FSHR: variants seen among roughly 807,000 people sequenced by gnomAD.
FSHR encodes follicle-stimulating hormone receptor.
In FSHR, 46 loss-of-function variants were observed where a neutral mutation model predicts 52.1. The ratio of observed to expected loss-of-function variants is 0.88; its 90% CI spans 0.70 to 1.13. FSHR has a LOEUF of 1.13. Ranked by LOEUF, FSHR falls within the 50% of genes most tolerant of loss-of-function variation. FSHR has a pLI of 0.00. For missense variants in FSHR, 964 were observed against 834.6 expected (o/e 1.16, Z -1.91); for synonymous variants, 399 against 309.6 (o/e 1.29, Z -3.03).
chr2:49,121,514 A>G lies in FSHR; in HGVS notation c.152+32752T>C, dbSNP rs529044839. Among the ~76,000 whole-genome samples, 79 of 152,282 alleles carry G rather than the reference A, an allele frequency of 5.2e-4. 1 individual carries two copies. The highest frequency in any genetic ancestry group is 1.8e-3 in the African/African-American group (75 of 41,558). On this transcript the variant is annotated intron_variant, in intron 1 of 9. Coordinates refer to ENST00000406846, the MANE Select transcript of FSHR (RefSeq NM_000145.4). Reference sequence around the variant, plus strand: ...CTCTAGAGTTGAAAGCAGTGTGGGAAGTGGGTTAATTGTTTATTAGGTGTC... The same window carrying G: ...CTCTAGAGTTGAAAGCAGTGTGGGAGGTGGGTTAATTGTTTATTAGGTGTC...
In FSHR at chr2:48,963,412, G is replaced by T; in HGVS notation, c.1409C>A (p.Thr470Asn). ...LTAITLERWH[T>N]ITHAMQLDCK... ...GTCCAGCTGCATGGCATGCGTGATG[G>T]TATGCCATCTTTCCAAGGTGATAGC... Residue 470 changes from threonine to asparagine, a missense_variant, in exon 10 of 10, where the codon ACC becomes AAC. Thr to Asn is a moderately conservative substitution (Grantham distance 65, BLOSUM62 0). Coordinates refer to ENST00000406846, the MANE Select transcript of FSHR (RefSeq NM_000145.4). The T allele has an allele frequency of 6.2e-7, 1 of 1,614,154 alleles. No homozygotes were observed. The highest frequency in any genetic ancestry group is 8.5e-7 in the Non-Finnish European group (1 of 1,180,016).
At chr2:49,001,458 G>A (rs1343318930) in intron 4 of FSHR, among the ~76,000 whole-genome samples, 1 of 152,124 alleles carries the variant, frequency 6.6e-6, no homozygotes, top group East Asian at 1.9e-4. Flanking sequence ...GAGATTCGCA[G>A]CTAACAGAGT....
chr2:49,127,093 C>T (rs1018029158), intron 1 of FSHR, among the ~76,000 whole-genome samples: 17 of 152,052 alleles, frequency 1.1e-4, no homozygotes, highest in African/African-American at 3.4e-4. Flanking sequence ...TTTGGGAGAC[C>T]GAGGCTGGTG....
chr2:49,128,556 G>A (rs937781238), intron 1 of FSHR, among the ~76,000 whole-genome samples: 3 of 152,084 alleles, frequency 2.0e-5, no homozygotes, highest in African/African-American at 7.2e-5. Flanking sequence ...AAGAAGAAAA[G>A]CAAGGGATGA....
At chr2:49,061,517 T>TAC (rs2104326433) in intron 2 of FSHR, among the ~76,000 whole-genome samples, 1 of 146,802 alleles carries the variant, frequency 6.8e-6, no homozygotes, top group African/African-American at 2.5e-5. Context: ...TGATTCTAAA[T>TAC]ATATATATAT....
At chr2:49,059,535 G>A (rs966409436) in intron 2 of FSHR, 4 of 152,412 alleles carry the variant, frequency 2.6e-5, no homozygotes, top group African/African-American at 4.8e-5. Flanking sequence ...GAGAAAGGAC[G>A]GTTTCATAAA....
chr2:49,114,957 A>G (rs1333104602), intron 1 of FSHR, among the ~76,000 whole-genome samples: 1 of 151,928 alleles, frequency 6.6e-6, no homozygotes, highest in Non-Finnish European at 1.5e-5. Flanking sequence ...TGCTAAAACC[A>G]AAATGCTAGA....
At chr2:49,153,342 G>T (rs1673129294) in intron 1 of FSHR, among the ~76,000 whole-genome samples, 1 of 152,214 alleles carries the variant, frequency 6.6e-6, no homozygotes, top group East Asian at 1.9e-4. Flanking sequence ...CAACTTGCCA[G>T]TTCTCAGGGG....
chr2:49,001,322 G>A (rs887338419), intron 4 of FSHR, among the ~76,000 whole-genome samples: 2 of 152,100 alleles, frequency 1.3e-5, no homozygotes, highest in African/African-American at 4.8e-5. Context: ...TAGCTTGTCT[G>A]ATAGAAAGTA....
At chr2:49,149,772 C>T (rs953547) in intron 1 of FSHR, among the ~76,000 whole-genome samples, 2 of 151,470 alleles carry the variant, frequency 1.3e-5, no homozygotes, top group East Asian at 3.9e-4. Flanking sequence ...GGAATGTAAG[C>T]CAAAGAAAGA....
At chr2:49,055,781 C>A (rs137969236) in intron 2 of FSHR, among the ~76,000 whole-genome samples, 1 of 151,602 alleles carries the variant, frequency 6.6e-6, no homozygotes, top group Non-Finnish European at 1.5e-5. Flanking sequence ...GAAAAAGCTG[C>A]GAGACAAGAA....
chr2:49,044,277 C>T (rs1281601110), intron 2 of FSHR, among the ~76,000 whole-genome samples: 1 of 152,100 alleles, frequency 6.6e-6, no homozygotes, highest in Non-Finnish European at 1.5e-5. Context: ...CTCACATTTT[C>T]GGTTGGTGAG....
intron 5 of FSHR, among the ~76,000 whole-genome samples, chr2:48,989,311 C>G (rs575222778): frequency 8.2e-6 from 1 of 121,644 alleles, no homozygotes; most frequent in South Asian, 2.8e-4. Flanking sequence ...GACAGGTTCT[C>G]TTGCTCTGTC....
chr2:49,109,168 C>G (rs569317331), intron 1 of FSHR, among the ~76,000 whole-genome samples: 1 of 152,224 alleles, frequency 6.6e-6, no homozygotes, highest in Admixed American at 6.5e-5. Context: ...CAGAAATTCC[C>G]TATCCAGAAA....
intron 2 of FSHR, among the ~76,000 whole-genome samples, chr2:49,028,244 C>A (rs1667977512): frequency 6.6e-6 from 1 of 152,154 alleles, no homozygotes; most frequent in Non-Finnish European, 1.5e-5. Flanking sequence ...TAATAATTAA[C>A]CTTTATTAGA....
intron 4 of FSHR, among the ~76,000 whole-genome samples, chr2:48,997,917 T>A (rs566353294): frequency 1.4e-4 from 21 of 152,212 alleles, no homozygotes; most frequent in Admixed American, 1.2e-3. Context: ...CACAGTGGAC[T>A]TTCCCAGATT....
intron 6 of FSHR, among the ~76,000 whole-genome samples, chr2:48,985,796 T>C (rs6728155): frequency 0.73 from 88,636 of 120,626 alleles, 32,787 homozygotes; most frequent in Non-Finnish European, 0.76. Flanking sequence ...TCACTGCAAG[T>C]TCCGCTTCCC....
chr2:48,963,882 A>G lies in FSHR; in HGVS notation c.939T>C (p.Ser313=). 6.2e-7 allele frequency: 1 copy of G among 1,614,168 alleles called. No individual in the cohort carries two copies. The highest frequency in any genetic ancestry group is 8.5e-7 in the Non-Finnish European group (1 of 1,179,988). The part of the protein sequence containing the change: ...YMTQARGQRS[S]LAEDNESSYS... The stretch of plus-strand genomic sequence containing the variant: ...AGCTGGACTCATTGTCTTCTGCCAG[A>G]GAGGATCTCTGACCCCTAGCCTGAG... Residue 313 remains serine (S), a synonymous_variant, in exon 10 of 10, where the codon TCT becomes TCC. Transcript: ENST00000406846.
chr2:49,096,535 G>T (rs1208847298), intron 1 of FSHR, among the ~76,000 whole-genome samples: 2 of 152,212 alleles, frequency 1.3e-5, no homozygotes, highest in Non-Finnish European at 2.9e-5. Context: ...AGATAATAGA[G>T]ATGGTTGCAA....
Sources: gnomAD v4.1 joint callset for allele counts (sites outside exome capture counted in the v4.1 genomes callset) on GRCh38, gnomAD v4.1.1 for gene constraint, MANE v1.5 for transcripts, NCBI Gene and HGNC (gene_info 2026-07-23, HGNC 2026-07-21) for gene names.